ARMC2: variants seen among roughly 807,000 people sequenced by gnomAD.
The protein encoded by ARMC2 is armadillo repeat-containing protein 2.
In ARMC2, 67 loss-of-function variants were observed where a neutral mutation model predicts 90.3. That is an observed-to-expected ratio of 0.74 (90% CI 0.61 to 0.91). The LOEUF is 0.91. ARMC2 is among the 40% of genes least tolerant of loss of function. The pLI, the probability that ARMC2 is intolerant of heterozygous loss-of-function variation, is 0.00. For missense variants in ARMC2, 920 were observed against 1,030.9 expected (o/e 0.89, Z 1.47); for synonymous variants, 393 against 393.0 (o/e 1.00, Z 0.00).
chr6:109,004,174 G>GA, the ARMC2 span, among the ~76,000 whole-genome samples: 1 of 151,656 alleles, frequency 6.6e-6, no homozygotes, highest in East Asian at 1.9e-4. Context: ...TGAAAACTTA[G>GA]AAAAAAAGCA....
the ARMC2 span, among the ~76,000 whole-genome samples, chr6:109,045,833 C>T: frequency 6.6e-6 from 1 of 152,152 alleles, no homozygotes; most frequent in African/African-American, 2.4e-5. Context: ...ATCTGTTTCT[C>T]CAGTGTCTGG....
At chr6:108,997,840 AAGG>A in the ARMC2 span, among the ~76,000 whole-genome samples, 3 of 152,236 alleles carry the variant, frequency 2.0e-5, no homozygotes, top group Admixed American at 2.0e-4. Context: ...AAGAATGCAG[AAGG>A]AGATTTTGAT....
intron 1 of ARMC2, among the ~76,000 whole-genome samples, chr6:108,853,497 A>G (rs1300631128): frequency 1.3e-5 from 2 of 152,054 alleles, no homozygotes; most frequent in African/African-American, 4.8e-5. Flanking sequence ...TTTTTAAGAA[A>G]CACCTAATGC....
intron 12 of ARMC2, among the ~76,000 whole-genome samples, chr6:108,948,333 G>A (rs1583192672): frequency 1.3e-5 from 2 of 152,038 alleles, no homozygotes; most frequent in Admixed American, 1.3e-4. Context: ...CTGGCATGGA[G>A]ATAAGAAAAC....
rs76171751 is a variant in ARMC2, at chr6:108,882,973, A to G, written c.671+6623A>G. Among the ~76,000 whole-genome samples, 445 of 152,376 alleles carry G rather than the reference A, an allele frequency of 2.9e-3. 1 individual carries two copies. Among genetic ancestry groups the G allele is most frequent in the African/African-American group, 0.01 (428 of 41,596 alleles). ...CATGGTATTCCAAGAAAAATTTGAT[A>G]TGGAATAATCCATACTAAGACATTT... On this transcript the variant is annotated intron_variant, in intron 5 of 17. Coordinates refer to ENST00000392644, the MANE Select transcript of ARMC2 (RefSeq NM_032131.6).
chr6:108,987,085 T>A, the ARMC2 span: 2 of 153,558 alleles, frequency 1.3e-5, no homozygotes, highest in Non-Finnish European at 2.9e-5. Context: ...TTCACTTTTA[T>A]TACTAATAGC....
At chr6:108,954,086 T>G (rs1052774817) in intron 13 of ARMC2, among the ~76,000 whole-genome samples, 1 of 152,132 alleles carries the variant, frequency 6.6e-6, no homozygotes, top group African/African-American at 2.4e-5. Context: ...CCCTCCTCTT[T>G]TTATAAAGTC....
rs557399877 is a variant in ARMC2 at position 108,879,516 on chromosome 6, A to G, written c.671+3166A>G. On this transcript the variant is annotated intron_variant, in intron 5 of 17. Coordinates refer to ENST00000392644, the MANE Select transcript of ARMC2 (RefSeq NM_032131.6). The stretch of plus-strand genomic sequence containing the variant: ...TATTCATTAACCTATCCACCCACCC[A>G]TCTACCCATCTATCCATCCACCCAC... 2.0e-4 allele frequency among the ~76,000 whole-genome samples: 30 copies of G among 150,826 alleles called. No homozygotes were observed. In the South Asian group the frequency reaches 6.3e-3, roughly 32 times the overall value.
the ARMC2 span, chr6:108,988,575 T>G: frequency 1.2e-6 from 2 of 1,612,812 alleles, no homozygotes; most frequent in East Asian, 2.2e-5. Context: ...CTCCAGAAGC[T>G]ATCATACATT....
the ARMC2 span, among the ~76,000 whole-genome samples, chr6:109,045,306 G>A: frequency 1.1e-4 from 16 of 152,088 alleles, no homozygotes; most frequent in African/African-American, 2.7e-4. Flanking sequence ...AGATTAGAAC[G>A]ATAGCCTCCT....
intron 6 of ARMC2, among the ~76,000 whole-genome samples, chr6:108,895,126 A>C (rs1475123007): frequency 6.6e-6 from 1 of 151,432 alleles, no homozygotes; most frequent in African/African-American, 2.4e-5. Flanking sequence ...GAAAGTTGCA[A>C]AACTTGACAT....
intron 8 of ARMC2, among the ~76,000 whole-genome samples, chr6:108,907,053 G>A (rs1014639191): frequency 7.2e-5 from 11 of 152,038 alleles, no homozygotes; most frequent in Non-Finnish European, 1.2e-4. Flanking sequence ...ATGGAGAAGC[G>A]GTACAAATTT....
the ARMC2 span, among the ~76,000 whole-genome samples, chr6:108,985,828 A>G: frequency 6.6e-6 from 1 of 152,220 alleles, no homozygotes; most frequent in Non-Finnish European, 1.5e-5. Flanking sequence ...CAAAGGCATG[A>G]TGCATATTCA....
the ARMC2 span, among the ~76,000 whole-genome samples, chr6:109,017,086 A>G: frequency 1.3e-5 from 2 of 152,104 alleles, no homozygotes; most frequent in African/African-American, 4.8e-5. Flanking sequence ...AATGAAAGTT[A>G]TATTGTGAAG....
chr6:108,863,731 G>A (rs182917589), intron 3 of ARMC2, among the ~76,000 whole-genome samples: 1 of 152,238 alleles, frequency 6.6e-6, no homozygotes, highest in East Asian at 1.9e-4. Flanking sequence ...AAATGTTTTC[G>A]TTCAACTTTT....
chr6:108,998,426 G>A, the ARMC2 span: 1 of 1,535,178 alleles, frequency 6.5e-7, no homozygotes, highest in Admixed American at 1.7e-5. Context: ...AACAGGGTGG[G>A]TTTTTCTAAG....
At chr6:109,012,281 C>T in the ARMC2 span, among the ~76,000 whole-genome samples, 5 of 148,778 alleles carry the variant, frequency 3.4e-5, no homozygotes, top group African/African-American at 5.0e-5. Flanking sequence ...CTCGCTCTGT[C>T]GCCCAGGCTG....
chr6:109,002,484 C>G, the ARMC2 span: 1 of 626,474 alleles, frequency 1.6e-6, no homozygotes, highest in Non-Finnish European at 2.9e-6. Context: ...TATATACATA[C>G]CAACTCTTCT....
chr6:108,992,919 A>G, the ARMC2 span: 10 of 1,506,444 alleles, frequency 6.6e-6, no homozygotes, highest in East Asian at 4.5e-5. Context: ...AAGGCCATTG[A>G]AAGGTTTTTA....
Sources: gnomAD v4.1 joint callset for allele counts (sites outside exome capture counted in the v4.1 genomes callset) on GRCh38, gnomAD v4.1.1 for gene constraint, MANE v1.5 for transcripts, NCBI Gene and HGNC (gene_info 2026-07-23, HGNC 2026-07-21) for gene names.